Variants in FASTKD1 observed in about 807,000 individuals in gnomAD.
FASTKD1 encodes the protein FAST kinase domain-containing protein 1, mitochondrial.
Under a neutral mutation model 90.9 loss-of-function variants are expected in FASTKD1, and 94 were observed. The ratio of observed to expected loss-of-function variants is 1.03; its 90% CI spans 0.88 to 1.23. FASTKD1 has a LOEUF of 1.23. FASTKD1 is among the 50% of genes most tolerant of loss of function. The pLI is 0.00. For synonymous variants in FASTKD1, 319 were observed against 345.8 expected, an observed-to-expected ratio of 0.92 and a Z score of 0.86; for missense variants, 945 against 993.5, an observed-to-expected ratio of 0.95 and a Z score of 0.66.
chr2:169,546,077 T>C (rs1295294620), intron 8 of FASTKD1, 141 bp downstream of exon 8: 2 of 875,026 alleles, frequency 2.3e-6, no homozygotes, highest in African/African-American at 3.4e-5. Context: ...ATTACAGGCT[T>C]GAGCTACCAC....
intron 10 of FASTKD1, among the ~76,000 whole-genome samples, chr2:169,538,431 C>T (rs1457498308): frequency 6.6e-6 from 1 of 152,006 alleles, no homozygotes; most frequent in Admixed American, 6.6e-5. Flanking sequence ...AATCCCAACA[C>T]TTTGGGAGGC....
Position 169,565,495 on chromosome 2 carries a change from C to T in FASTKD1, c.447-2145G>A, listed in dbSNP as rs184998280. Among the ~76,000 whole-genome samples, 306 of 151,994 alleles carry T rather than the reference C, an allele frequency of 2.0e-3. 9 individuals carry two copies. The East Asian group carries it at 0.046, about 23-fold the overall frequency. On this transcript the variant is annotated intron_variant, in intron 3 of 14. Transcript: ENST00000453153. The stretch of plus-strand genomic sequence containing the variant: ...GCCAGGATGGTCTCGATCTCCTGAC[C>T]TCATGATCCGCCCGCCTTGTCCTCC...
chr2:169,550,484 C>G (rs1278613403), intron 7 of FASTKD1, among the ~76,000 whole-genome samples: 1 of 151,668 alleles, frequency 6.6e-6, no homozygotes, highest in South Asian at 2.1e-4. Flanking sequence ...TTTTTCCTTT[C>G]TTTTCTTTTT....
chr2:169,571,573 A>T, intron 2 of FASTKD1, 80 bp downstream of exon 2: 1 of 1,017,136 alleles, frequency 9.8e-7, no homozygotes, highest in Non-Finnish European at 1.4e-6. Context: ...AAATAAATAA[A>T]ATGAAAATAA....
Position 169,534,974 on chromosome 2 carries a change from G to A in FASTKD1, c.2188+2253C>T, listed in dbSNP as rs191602008. 1.7e-3 allele frequency among the ~76,000 whole-genome samples: 262 copies of A among 151,314 alleles called. 1 individual carries two copies. Among genetic ancestry groups the A allele is most frequent in the African/African-American group, 6.0e-3 (247 of 41,214 alleles). ...TTTTTCTATGTTAAGCATGTCTCAT[G>A]TAATTTTTTTTTAAGAGATGGGGTT... On this transcript the variant is annotated intron_variant, in intron 12 of 14. Transcript: ENST00000453153.
At position 169,572,018 on chromosome 2, in the gene FASTKD1, T is replaced by C. The variant is rs1559164427; in HGVS notation, c.12A>G (p.Thr4=). 6.4e-7 allele frequency: 1 copy of C among 1,567,952 alleles called. No individual in the cohort carries two copies. Among genetic ancestry groups the C allele is most frequent in the South Asian group, 1.2e-5 (1 of 85,050 alleles). The change falls in exon 2 of 15, where the codon ACA becomes ACG. Residue 4 remains threonine (T), a synonymous_variant. Transcript: ENST00000453153. ...TAACCAATGACTCTAGGAAAACAGG[T>C]GTTTTTTTCATTTATATCACAAGTT... MKK[T]PVFLESLVTN...
rs540026272 is a variant in FASTKD1, at chr2:169,531,056, T to A, written c.2327+296A>T. Reference sequence around the variant, plus strand: ...AGTTACTGTAATGCAGTGTAGGAAGTGGCTAAGTGCTATGAGAAAAGTAGA... The same window carrying A: ...AGTTACTGTAATGCAGTGTAGGAAGAGGCTAAGTGCTATGAGAAAAGTAGA... On this transcript the variant is annotated intron_variant, in intron 13 of 14. Transcript: ENST00000453153. 5.4e-4 allele frequency: 365 copies of A among 678,908 alleles called. 5 individuals carry two copies. The highest frequency in any genetic ancestry group is 4.9e-3 in the South Asian group (355 of 72,986). The allele number at this position is 678,908 out of a possible 1,614,324, so 42.1% of individuals were successfully genotyped here.
chr2:169,543,177 G>C (rs1685032093), intron 9 of FASTKD1, among the ~76,000 whole-genome samples: 2 of 152,054 alleles, frequency 1.3e-5, no homozygotes, highest in South Asian at 4.1e-4. Flanking sequence ...TTAAAAAAAA[G>C]TTATAGCCAG....
intron 5 of FASTKD1, among the ~76,000 whole-genome samples, chr2:169,557,606 T>A (rs1337756705): frequency 6.6e-6 from 1 of 152,218 alleles, no homozygotes; most frequent in African/African-American, 2.4e-5. Context: ...TAAAATACTA[T>A]GATTCAGTGA....
intron 7 of FASTKD1, 114 bp downstream of exon 7, chr2:169,555,010 A>ACATT: frequency 1.1e-6 from 1 of 929,228 alleles, no homozygotes; most frequent in East Asian, 2.7e-5. Flanking sequence ...ATTTTTACTA[A>ACATT]TAAGCTTCAC....
intron 3 of FASTKD1, among the ~76,000 whole-genome samples, chr2:169,568,282 T>G (rs1302182303): frequency 1.3e-5 from 2 of 152,140 alleles, no homozygotes; most frequent in Non-Finnish European, 2.9e-5. Flanking sequence ...TTTTTTCTCC[T>G]TTCCTGGCTC....
At chr2:169,542,381 T>C (rs941552529) in intron 9 of FASTKD1, among the ~76,000 whole-genome samples, 5 of 152,252 alleles carry the variant, frequency 3.3e-5, no homozygotes, top group Non-Finnish European at 5.9e-5. Context: ...AAGAAAAGTC[T>C]CATAAAGCTC....
At chr2:169,533,598 A>T (rs1684582242) in intron 12 of FASTKD1, among the ~76,000 whole-genome samples, 1 of 152,192 alleles carries the variant, frequency 6.6e-6, no homozygotes, top group Non-Finnish European at 1.5e-5. Context: ...AATGGTGTCT[A>T]ACACATAATA....
chr2:169,552,726 T>C (rs1257538786), intron 7 of FASTKD1, among the ~76,000 whole-genome samples: 1 of 152,040 alleles, frequency 6.6e-6, no homozygotes, highest in Non-Finnish European at 1.5e-5. Flanking sequence ...TGATATATAA[T>C]GGACGTTAGA....
chr2:169,545,576 C>T (rs1409892451), intron 8 of FASTKD1, among the ~76,000 whole-genome samples: 1 of 152,082 alleles, frequency 6.6e-6, no homozygotes, highest in Non-Finnish European at 1.5e-5. Flanking sequence ...ATCCATAAAG[C>T]GGCATTTTAC....
In FASTKD1 at chr2:169,544,728, A is replaced by C. The variant is rs774848429; in HGVS notation, c.1809T>G (p.Ser603=). The C allele has an allele frequency of 2.6e-5, 41 of 1,569,726 alleles. No individual in the cohort carries two copies. Among genetic ancestry groups the C allele is most frequent in the Middle Eastern group, 1.7e-4 (1 of 5,866 alleles). Residue 603 remains serine (S), a synonymous_variant, in exon 9 of 15, where the codon TCT becomes TCG. Transcript: ENST00000453153. The stretch of plus-strand genomic sequence containing the variant: ...ACCAAACAATATACCTACCTAAGTA[A>C]GAATTAAGATGTTGCACGCAAGTTC... ...FLGTCVQHLN[S]YLGILDPFIL...
rs1684336072 is a variant in FASTKD1, at chr2:169,573,762, G to A, written c.-236C>T. On this transcript the variant is annotated 5_prime_UTR_variant, in exon 1 of 15. Transcript: ENST00000453153. ...CAGGGTTATTCCTGGTCCCAACACG[G>A]AACGAAACAGGCTCGGATGTCTCGC... 1 of 152,188 alleles carries A rather than the reference G, an allele frequency of 6.6e-6. No individual in the cohort carries two copies. Among genetic ancestry groups the A allele is most frequent in the African/African-American group, 2.4e-5 (1 of 41,436 alleles). The allele number at this position is 152,188 out of a possible 1,614,324, so 9.4% of individuals were successfully genotyped here.
rs1684900061 is a variant in FASTKD1, at chr2:169,540,058, T to C, written c.1938A>G (p.Gln646=). The change falls in exon 10 of 15, where the codon CAA becomes CAG. Residue 646 remains glutamine, a synonymous_variant. Transcript: ENST00000453153. ...TAAAAGATAGATACATACTTTCAAG[T>C]TGAGAATCCAATCTAGCTAAGAATT... ...NIKFLARLDS[Q]LEILSPSRSA... The C allele has an allele frequency of 1.3e-6, 2 of 1,573,946 alleles. No homozygotes were observed. The highest frequency in any genetic ancestry group is 1.4e-5 in the African/African-American group (1 of 73,352).
chr2:169,559,761 T>C (rs961973154), intron 5 of FASTKD1, among the ~76,000 whole-genome samples: 1 of 152,014 alleles, frequency 6.6e-6, no homozygotes, highest in African/African-American at 2.4e-5. Context: ...GTGGGGGAAG[T>C]TTATGTCTAG....
Sources: allele counts gnomAD v4.1 joint callset (sites outside exome capture counted in the v4.1 genomes callset), GRCh38; gene constraint gnomAD v4.1.1; transcripts MANE v1.5; gene names NCBI Gene and HGNC (gene_info 2026-07-23, HGNC 2026-07-21).